Variants in COG5 observed in about 807,000 individuals in gnomAD.
COG5 encodes the protein component of oligomeric golgi complex 5.
COG5 carries 86 observed loss-of-function variants against 110.4 expected under a neutral mutation model. The observed-to-expected ratio is 0.78, with a 90% CI of 0.65 to 0.93. The LOEUF (loss-of-function observed/expected upper bound fraction) is 0.93, where lower values mean the gene tolerates loss of function less well. Among genes scored for constraint, COG5 ranks in the 40% least tolerant of loss-of-function variants. COG5 has a pLI of 0.00. For synonymous variants in COG5, 360 were observed against 334.6 expected (o/e 1.08, Z -0.83); for missense variants, 1,077 against 987.0 (o/e 1.09, Z -1.22).
chr7:107,329,856 C>T (rs1810095249), intron 10 of COG5, among the ~76,000 whole-genome samples: 1 of 152,174 alleles, frequency 6.6e-6, no homozygotes, highest in African/African-American at 2.4e-5. Context: ...GATCACATCA[C>T]TGCAATCCAG....
chr7:107,295,290 T>C (rs1472375447), intron 12 of COG5, among the ~76,000 whole-genome samples: 2 of 150,826 alleles, frequency 1.3e-5, no homozygotes, highest in Admixed American at 6.6e-5. Context: ...GCAAAAACCT[T>C]ACTCTAAATT....
intron 6 of COG5, among the ~76,000 whole-genome samples, chr7:107,458,998 ATG>A (rs1027177668): frequency 2.6e-5 from 4 of 151,926 alleles, no homozygotes; most frequent in Middle Eastern, 3.2e-3. Context: ...TAAAATGGAA[ATG>A]TAAAAATTAC....
At chr7:107,360,530 T>C (rs1206352368) in intron 10 of COG5, among the ~76,000 whole-genome samples, 1 of 152,108 alleles carries the variant, frequency 6.6e-6, no homozygotes, top group African/African-American at 2.4e-5. Context: ...CGAGCCAGGG[T>C]TGTGACACCT....
chr7:107,550,623 G>A lies in COG5; in HGVS notation c.293-2291C>T, dbSNP rs145731100. Among the ~76,000 whole-genome samples the A allele has an allele frequency of 1.3e-3, 193 of 152,122 alleles. 2 individuals are homozygous for A. The highest frequency in any genetic ancestry group is 4.4e-3 in the African/African-American group (184 of 41,488). ...CTCATCATTAGATCTTGGCTCAAACGTCATCTTCTCAAAAAGGCCTTCCCT... is the reference window on the plus strand; with the variant it reads ...CTCATCATTAGATCTTGGCTCAAACATCATCTTCTCAAAAAGGCCTTCCCT... On this transcript the variant is annotated intron_variant, in intron 3 of 21. Coordinates refer to ENST00000297135, the MANE Select transcript of COG5 (RefSeq NM_006348.5).
At chr7:107,463,713 G>A (rs761667379) in intron 6 of COG5, among the ~76,000 whole-genome samples, 3 of 152,160 alleles carry the variant, frequency 2.0e-5, no homozygotes, top group Non-Finnish European at 4.4e-5. Context: ...ATAGCTGCCA[G>A]GAGACTACAT....
intron 6 of COG5, among the ~76,000 whole-genome samples, chr7:107,426,184 G>C (rs898617877): frequency 6.6e-6 from 1 of 152,152 alleles, no homozygotes; most frequent in East Asian, 1.9e-4. Context: ...GTGGTACTTT[G>C]TTATAGCAGC....
chr7:107,385,137 G>A (rs1790093996), intron 7 of COG5, among the ~76,000 whole-genome samples: 1 of 152,114 alleles, frequency 6.6e-6, no homozygotes, highest in Non-Finnish European at 1.5e-5. Flanking sequence ...CAGCGAAAAA[G>A]GCCATGTGAC....
intron 10 of COG5, among the ~76,000 whole-genome samples, chr7:107,330,740 G>A (rs151230058): frequency 1.6e-3 from 237 of 151,906 alleles, no homozygotes; most frequent in African/African-American, 5.4e-3. Context: ...CTGAGCTTTT[G>A]ATTTCCTCAT....
At chr7:107,254,065 C>T (rs926436900) in intron 16 of COG5, among the ~76,000 whole-genome samples, 1 of 151,932 alleles carries the variant, frequency 6.6e-6, no homozygotes, top group Non-Finnish European at 1.5e-5. Flanking sequence ...ATCACTAATA[C>T]CTGGCATGTG....
intron 6 of COG5, among the ~76,000 whole-genome samples, chr7:107,431,666 C>T (rs937584854): frequency 2.0e-5 from 3 of 151,942 alleles, no homozygotes; most frequent in African/African-American, 2.4e-5. Context: ...GACAGGGTCT[C>T]GTTCTGTCAC....
chr7:107,241,135 G>C (rs571772513), intron 17 of COG5, among the ~76,000 whole-genome samples: 1 of 152,156 alleles, frequency 6.6e-6, no homozygotes, highest in Non-Finnish European at 1.5e-5. Context: ...GTTATCTACA[G>C]GCACTAGTTG....
chr7:107,393,928 T>C (rs1790802905), intron 7 of COG5, among the ~76,000 whole-genome samples: 1 of 152,030 alleles, frequency 6.6e-6, no homozygotes, highest in Non-Finnish European at 1.5e-5. Context: ...TAAAATTTGA[T>C]AAAAGACCAT....
At chr7:107,506,619 C>T (rs144780687) in intron 6 of COG5, among the ~76,000 whole-genome samples, 262 of 152,210 alleles carry the variant, frequency 1.7e-3, no homozygotes, top group African/African-American at 5.9e-3. Context: ...CCGCATACTT[C>T]GCAAGGCAGA....
In COG5 at chr7:107,478,975, A is replaced by G. The variant is rs935412946; in HGVS notation, c.538+48262T>C. Among the ~76,000 whole-genome samples, 7 of 152,206 alleles carry G rather than the reference A, an allele frequency of 4.6e-5. No individual in the cohort carries two copies. In the South Asian group the frequency reaches 1.2e-3, roughly 27 times the overall value. On this transcript the variant is annotated intron_variant, in intron 6 of 21. Coordinates refer to ENST00000297135, the MANE Select transcript of COG5 (RefSeq NM_006348.5). Reference sequence around the variant, plus strand: ...ATTAAGTAAGCTTTGTGATTCAATTAGCATTTAAAATCTTACAGAAAAGAG... The same window carrying G: ...ATTAAGTAAGCTTTGTGATTCAATTGGCATTTAAAATCTTACAGAAAAGAG...
At chr7:107,417,967 A>G (rs1244816962) in intron 6 of COG5, among the ~76,000 whole-genome samples, 1 of 152,100 alleles carries the variant, frequency 6.6e-6, no homozygotes, top group East Asian at 1.9e-4. Flanking sequence ...TTGTTTACAT[A>G]TTATTTCTTG....
chr7:107,214,530 G>A (rs1355863986), intron 19 of COG5, among the ~76,000 whole-genome samples: 14 of 152,142 alleles, frequency 9.2e-5, no homozygotes, highest in Admixed American at 9.2e-4. Context: ...AAAAATCAAT[G>A]CTATAAATAA....
chr7:107,358,520 A>G (rs779948696), intron 10 of COG5, among the ~76,000 whole-genome samples: 2 of 152,210 alleles, frequency 1.3e-5, no homozygotes, highest in African/African-American at 2.4e-5. Flanking sequence ...AAGAGTTAAC[A>G]TAACAGGTCT....
intron 17 of COG5, among the ~76,000 whole-genome samples, chr7:107,243,498 C>A (rs527241073): frequency 2.4e-4 from 30 of 123,966 alleles, no homozygotes; most frequent in Non-Finnish European, 3.4e-4. Context: ...GGGGACAGAG[C>A]GAGACTCCAT....
At chr7:107,492,324 A>C (rs1563064638) in intron 6 of COG5, among the ~76,000 whole-genome samples, 1 of 152,096 alleles carries the variant, frequency 6.6e-6, no homozygotes, top group South Asian at 2.1e-4. Flanking sequence ...CAAATGCTGC[A>C]TGTATTAGTT....
Sources: allele counts gnomAD v4.1 joint callset (sites outside exome capture counted in the v4.1 genomes callset), GRCh38; gene constraint gnomAD v4.1.1; transcripts MANE v1.5; gene names NCBI Gene and HGNC (gene_info 2026-07-23, HGNC 2026-07-21).